ROR1: variants seen among roughly 807,000 people sequenced by gnomAD.
ROR1 encodes the protein ROR family WNT receptor 1.
A neutral mutation model predicts 78.8 loss-of-function variants in ROR1; 19 were observed. The observed-to-expected ratio is 0.24, with a 90% CI of 0.17 to 0.35. ROR1 has a LOEUF of 0.35. ROR1 is among the 10% of genes least tolerant of loss of function. ROR1 has a pLI of 1.00. For synonymous variants in ROR1, 386 were observed against 433.6 expected (o/e 0.89, Z 1.36); for missense variants, 917 against 1,177.8 (o/e 0.78, Z 3.24).
chr1:63,998,212 C>T (rs2100529653), intron 1 of ROR1, among the ~76,000 whole-genome samples: 1 of 151,732 alleles, frequency 6.6e-6, no homozygotes, highest in South Asian at 2.1e-4. Flanking sequence ...AAAGGAAGAA[C>T]ACATACTCAC....
chr1:63,997,686 C>T (rs994867985), intron 1 of ROR1, among the ~76,000 whole-genome samples: 58 of 151,856 alleles, frequency 3.8e-4, no homozygotes, highest in African/African-American at 1.4e-3. Context: ...TATGTTAAGA[C>T]TCACCTAGGG....
intron 2 of ROR1, among the ~76,000 whole-genome samples, chr1:64,021,030 TA>T (rs35695263): frequency 9.2e-4 from 136 of 147,592 alleles, no homozygotes; most frequent in African/African-American, 1.7e-3. Flanking sequence ...CTTATTTGCT[TA>T]AAAAAAAAAA....
In ROR1 at chr1:64,109,797, G is replaced by A. The variant is rs1019402577; in HGVS notation, c.483-27572G>A. ...CTCCGCTCTGCCTTCCAAAGTGCTG[G>A]GATTATAGGTGTGAGTTACCTCATT... On this transcript the variant is annotated intron_variant, in intron 4 of 8. Coordinates refer to ENST00000371079, the MANE Select transcript of ROR1 (RefSeq NM_005012.4). 6.6e-5 allele frequency among the ~76,000 whole-genome samples: 10 copies of A among 152,120 alleles called. No individual in the cohort carries two copies. In the South Asian group the frequency reaches 2.1e-3, roughly 32 times the overall value.
intron 4 of ROR1, among the ~76,000 whole-genome samples, chr1:64,126,633 T>C (rs900759190): frequency 6.6e-6 from 1 of 152,204 alleles, no homozygotes; most frequent in Non-Finnish European, 1.5e-5. Flanking sequence ...TCCAAGGTTG[T>C]ATGGAAATAA....
At chr1:63,940,649 T>C (rs1485593749) in intron 1 of ROR1, among the ~76,000 whole-genome samples, 1 of 152,196 alleles carries the variant, frequency 6.6e-6, no homozygotes, top group Non-Finnish European at 1.5e-5. Context: ...GTCATCATTT[T>C]GCAACCCTAG....
Position 63,783,001 on chromosome 1 carries a change from G to A in ROR1, c.91+8493G>A, listed in dbSNP as rs540568219. ...ATTGAAGGATGGGAGATGGGAAGAG[G>A]AGTTGGACATTTCACTGCTGGAAAA... On this transcript the variant is annotated intron_variant, in intron 1 of 8. Transcript: ENST00000371079. 3.3e-5 allele frequency among the ~76,000 whole-genome samples: 5 copies of A among 152,274 alleles called. No individual in the cohort carries two copies. In the East Asian group the frequency reaches 9.7e-4, roughly 29 times the overall value.
At chr1:64,001,374 G>C (rs182426620) in intron 1 of ROR1, among the ~76,000 whole-genome samples, 210 of 152,314 alleles carry the variant, frequency 1.4e-3, no homozygotes, top group African/African-American at 4.9e-3. Context: ...CTGCAAAGGG[G>C]TTGCACACAG....
chr1:63,905,923 T>C (rs933094831), intron 1 of ROR1, among the ~76,000 whole-genome samples: 3 of 152,204 alleles, frequency 2.0e-5, no homozygotes, highest in Non-Finnish European at 2.9e-5. Context: ...TAAAATAATG[T>C]ACTTGAGGTT....
chr1:64,011,181 A>C (rs1646471853), intron 2 of ROR1, among the ~76,000 whole-genome samples: 1 of 152,192 alleles, frequency 6.6e-6, no homozygotes, highest in African/African-American at 2.4e-5. Context: ...TCTATTGCCA[A>C]ATTTGACCTG....
intron 1 of ROR1, among the ~76,000 whole-genome samples, chr1:63,783,816 G>A (rs1424093621): frequency 2.6e-5 from 4 of 152,274 alleles, no homozygotes; most frequent in Middle Eastern, 3.4e-3. Flanking sequence ...GTCTTTCACC[G>A]GCTGCTGAAC....
At chr1:63,837,821 CT>C (rs1454328276) in intron 1 of ROR1, among the ~76,000 whole-genome samples, 2 of 152,176 alleles carry the variant, frequency 1.3e-5, no homozygotes, top group African/African-American at 4.8e-5. Flanking sequence ...GATTCCGTCT[CT>C]TAAAAAATAA....
chr1:63,812,427 C>G lies in ROR1; in HGVS notation c.91+37919C>G, dbSNP rs148750894. On this transcript the variant is annotated intron_variant, in intron 1 of 8. Transcript: ENST00000371079. ...AAAATATTTACTAGCTAGCCCTTTACAGAAGAATTTTGCTAACTAACCTGT... is the reference window on the plus strand; with the variant it reads ...AAAATATTTACTAGCTAGCCCTTTAGAGAAGAATTTTGCTAACTAACCTGT... 1.8e-3 allele frequency among the ~76,000 whole-genome samples: 268 copies of G among 152,256 alleles called. 1 individual carries two copies. Among genetic ancestry groups the G allele is most frequent in the African/African-American group, 6.0e-3 (248 of 41,536 alleles).
intron 1 of ROR1, among the ~76,000 whole-genome samples, chr1:63,931,953 A>G (rs1322330813): frequency 6.6e-6 from 1 of 152,194 alleles, no homozygotes; most frequent in Non-Finnish European, 1.5e-5. Context: ...TGTACTATAC[A>G]TGATTTCAGG....
chr1:64,148,328 T>C (rs6588083), intron 7 of ROR1, among the ~76,000 whole-genome samples: 37,516 of 152,038 alleles, frequency 0.25, 5,320 homozygotes, highest in East Asian at 0.51. Context: ...ATGTATGTTG[T>C]GTATGTGTTT....
intron 1 of ROR1, among the ~76,000 whole-genome samples, chr1:63,833,730 C>A (rs1645003033): frequency 6.6e-6 from 1 of 151,820 alleles, no homozygotes. Context: ...AAATTTCAGA[C>A]AGAAACAACC....
chr1:63,899,396 T>G (rs1645466949), intron 1 of ROR1, among the ~76,000 whole-genome samples: 1 of 152,208 alleles, frequency 6.6e-6, no homozygotes, highest in South Asian at 2.1e-4. Context: ...TCTTTCCTTT[T>G]GTGCCTTTAA....
chr1:64,162,017 A>G (rs539554922), intron 8 of ROR1, among the ~76,000 whole-genome samples: 3 of 152,328 alleles, frequency 2.0e-5, no homozygotes. Context: ...ACATGTACCT[A>G]TAAAATCTAA....
intron 4 of ROR1, among the ~76,000 whole-genome samples, chr1:64,118,632 C>CAAAAAAAAAAA (rs3084938): frequency 1.5e-5 from 1 of 65,852 alleles, no homozygotes; most frequent in African/African-American, 5.7e-5. Context: ...GACTCCATCT[C>CAAAAAAAAAAA]AAAAAAAAAA....
intron 1 of ROR1, among the ~76,000 whole-genome samples, chr1:63,892,658 G>C (rs879910701): frequency 4.6e-5 from 7 of 152,132 alleles, no homozygotes; most frequent in Non-Finnish European, 8.8e-5. Context: ...CCATGCTTAT[G>C]GAAGTCCATA....
Sources: gnomAD v4.1 joint callset for allele counts (sites outside exome capture counted in the v4.1 genomes callset) on GRCh38, gnomAD v4.1.1 for gene constraint, MANE v1.5 for transcripts, NCBI Gene and HGNC (gene_info 2026-07-23, HGNC 2026-07-21) for gene names.